The following MOB3B variants were observed in gnomAD, a reference collection of about 807,000 sequenced individuals.
MOB3B encodes MOB kinase activator 3B.
Under a neutral mutation model 18.7 loss-of-function variants are expected in MOB3B, and 7 were observed. That is an observed-to-expected ratio of 0.37 (90% CI 0.21 to 0.70). MOB3B has a LOEUF of 0.70. MOB3B is among the 30% of genes least tolerant of loss of function. The probability of loss-of-function intolerance (pLI) is 0.52; values close to 1 mark genes in which losing one functional copy is unlikely to be tolerated. For missense variants in MOB3B, 253 were observed against 281.3 expected (o/e 0.90, Z 0.72); for synonymous variants, 111 against 99.9 (o/e 1.11, Z -0.66).
At chr9:27,518,866 A>C (rs769728056) in intron 1 of MOB3B, among the ~76,000 whole-genome samples, 16 of 152,232 alleles carry the variant, frequency 1.1e-4, no homozygotes, top group Non-Finnish European at 7.4e-5. Flanking sequence ...GCAGTTTTTG[A>C]TTAAACTAAC....
chr9:27,519,544 C>A (rs759708341), intron 1 of MOB3B, among the ~76,000 whole-genome samples: 1 of 152,138 alleles, frequency 6.6e-6, no homozygotes, highest in Non-Finnish European at 1.5e-5. Flanking sequence ...TAAGAGAAAG[C>A]AAACAAGCCA....
chr9:27,440,826 C>T (rs556165292), intron 2 of MOB3B, among the ~76,000 whole-genome samples: 2 of 152,070 alleles, frequency 1.3e-5, no homozygotes, highest in Admixed American at 6.5e-5. Context: ...ATGTGAAATG[C>T]CATCAGTACT....
At chr9:27,392,417 C>T (rs1821739008) in intron 2 of MOB3B, among the ~76,000 whole-genome samples, 1 of 152,156 alleles carries the variant, frequency 6.6e-6, no homozygotes, top group Non-Finnish European at 1.5e-5. Flanking sequence ...GACTAGACTT[C>T]TGGGTTTCAA....
In MOB3B at chr9:27,527,100, A is replaced by AT. The variant is rs1014737459; in HGVS notation, c.-199+2454dup. The stretch of plus-strand genomic sequence containing the variant: ...ATATTTTCTATTTTTTCCTATAGTG[A>AT]TTTTTTTGGGAAGATTTTTAATTCT... On this transcript the variant is annotated intron_variant, in intron 1 of 3. Transcript: ENST00000262244. Among the ~76,000 whole-genome samples, 29 of 151,978 alleles carry AT rather than the reference A, an allele frequency of 1.9e-4. 1 individual carries two copies. The highest frequency in any genetic ancestry group is 8.8e-5 in the Non-Finnish European group (6 of 67,970).
At chr9:27,481,510 TGTTTTTTTTG>T (rs1819651872) in intron 1 of MOB3B, among the ~76,000 whole-genome samples, 3 of 83,234 alleles carry the variant, frequency 3.6e-5, no homozygotes, top group South Asian at 3.6e-4. Flanking sequence ...TTTTTTTTTT[TGTTTTTTTTG>T]TTTTTTTTTT....
At chr9:27,475,735 T>C (rs567417514) in intron 1 of MOB3B, among the ~76,000 whole-genome samples, 23 of 152,362 alleles carry the variant, frequency 1.5e-4, no homozygotes, top group African/African-American at 5.3e-4. Flanking sequence ...ACAATTCTAG[T>C]AGTCTAGTTG....
intron 2 of MOB3B, among the ~76,000 whole-genome samples, chr9:27,427,781 T>G (rs1822358562): frequency 6.6e-6 from 1 of 152,186 alleles, no homozygotes; most frequent in Non-Finnish European, 1.5e-5. Context: ...TTATTTCCCA[T>G]CATGCCCTTC....
rs939726162 is a variant in MOB3B at position 27,382,970 on chromosome 9, G to C, written c.419-23734C>G. ...AAACTAACAAGCAAGAAGGTATTTG[G>C]GGGAGAGGAGAATAAATTGATTAGT... On this transcript the variant is annotated intron_variant, in intron 2 of 3. Coordinates refer to ENST00000262244, the MANE Select transcript of MOB3B (RefSeq NM_024761.5). 2.6e-5 allele frequency among the ~76,000 whole-genome samples: 4 copies of C among 152,126 alleles called. No individual in the cohort carries two copies. The East Asian group carries it at 7.7e-4, about 29-fold the overall frequency.
chr9:27,449,246 G>A (rs1822745183), intron 2 of MOB3B, among the ~76,000 whole-genome samples: 1 of 152,146 alleles, frequency 6.6e-6, no homozygotes, highest in Admixed American at 6.5e-5. Context: ...TAAAAATCTT[G>A]TCAAGTCTTT....
chr9:27,410,947 C>T (rs1410967351), intron 2 of MOB3B, among the ~76,000 whole-genome samples: 1 of 152,118 alleles, frequency 6.6e-6, no homozygotes, highest in East Asian at 1.9e-4. Context: ...TCTTTGAAAA[C>T]ATGATTTTTA....
chr9:27,343,172 T>C (rs1820977635), intron 3 of MOB3B, among the ~76,000 whole-genome samples: 1 of 151,700 alleles, frequency 6.6e-6, no homozygotes, highest in Admixed American at 6.6e-5. Flanking sequence ...TCTATAACTT[T>C]ACCCCCAACC....
chr9:27,389,473 C>T (rs866626687), intron 2 of MOB3B, among the ~76,000 whole-genome samples: 5 of 113,004 alleles, frequency 4.4e-5, no homozygotes, highest in African/African-American at 1.5e-4. Flanking sequence ...GTTCTCACTG[C>T]TCGGACACTT....
chr9:27,358,243 G>C (rs975194452), intron 3 of MOB3B, among the ~76,000 whole-genome samples: 1 of 151,954 alleles, frequency 6.6e-6, no homozygotes, highest in Non-Finnish European at 1.5e-5. Flanking sequence ...TATTATATGG[G>C]GTATAATATA....
intron 2 of MOB3B, among the ~76,000 whole-genome samples, chr9:27,374,412 C>T (rs1821463394): frequency 6.6e-6 from 1 of 152,050 alleles, no homozygotes; most frequent in African/African-American, 2.4e-5. Flanking sequence ...CAGAAAGTAC[C>T]CTCAATGGTT....
At chr9:27,517,415 G>A (rs1820252318) in intron 1 of MOB3B, among the ~76,000 whole-genome samples, 1 of 152,000 alleles carries the variant, frequency 6.6e-6, no homozygotes, top group African/African-American at 2.4e-5. Context: ...ACTTTGGGAG[G>A]CCGAGGTAGA....
chr9:27,396,235 C>G (rs577228761), intron 2 of MOB3B, among the ~76,000 whole-genome samples: 136 of 152,252 alleles, frequency 8.9e-4, no homozygotes, highest in African/African-American at 3.2e-3. Context: ...AGGCAATTCT[C>G]TTATTTTCTT....
At chr9:27,357,422 G>T (rs756972752) in intron 3 of MOB3B, among the ~76,000 whole-genome samples, 1 of 151,592 alleles carries the variant, frequency 6.6e-6, no homozygotes, top group Non-Finnish European at 1.5e-5. Context: ...AACCAATCCT[G>T]CAGAGCCTGC....
At chr9:27,447,803 T>C (rs1453474067) in intron 2 of MOB3B, among the ~76,000 whole-genome samples, 1 of 152,216 alleles carries the variant, frequency 6.6e-6, no homozygotes, top group Non-Finnish European at 1.5e-5. Context: ...GTGACCATCA[T>C]AATAGACCAT....
chr9:27,400,319 T>C (rs1821858958), intron 2 of MOB3B, among the ~76,000 whole-genome samples: 1 of 152,170 alleles, frequency 6.6e-6, no homozygotes, highest in South Asian at 2.1e-4. Flanking sequence ...CCCTTATTCC[T>C]GCCATTCACC....
Sources: gnomAD v4.1 joint callset for allele counts (sites outside exome capture counted in the v4.1 genomes callset) on GRCh38, gnomAD v4.1.1 for gene constraint, MANE v1.5 for transcripts, NCBI Gene and HGNC (gene_info 2026-07-23, HGNC 2026-07-21) for gene names.